Variants in RNGTT observed in about 807,000 individuals in gnomAD.
RNGTT encodes mRNA-capping enzyme.
A neutral mutation model predicts 79.3 loss-of-function variants in RNGTT; 33 were observed. The ratio of observed to expected loss-of-function variants is 0.42; its 90% CI spans 0.32 to 0.56. The LOEUF (loss-of-function observed/expected upper bound fraction) is 0.56, where lower values mean the gene tolerates loss of function less well. Ranked by LOEUF, RNGTT falls within the 20% of genes least tolerant of loss-of-function variation. RNGTT has a pLI of 0.17. For missense variants in RNGTT, 497 were observed against 739.1 expected (o/e 0.67, Z 3.80); for synonymous variants, 222 against 235.9 (o/e 0.94, Z 0.54).
At chr6:88,959,963 T>C (rs762962785) in intron 1 of RNGTT, among the ~76,000 whole-genome samples, 2 of 152,188 alleles carry the variant, frequency 1.3e-5, no homozygotes, top group African/African-American at 4.8e-5. Flanking sequence ...CCCTGCCAAC[T>C]ATTTATCTAG....
At chr6:88,823,147 CT>C (rs1361797722) in intron 11 of RNGTT, among the ~76,000 whole-genome samples, 1 of 152,144 alleles carries the variant, frequency 6.6e-6, no homozygotes, top group African/African-American at 2.4e-5. Flanking sequence ...AGAAAATTGG[CT>C]GGGCATGGTG....
At chr6:88,882,692 G>A (rs1452978236) in intron 8 of RNGTT, among the ~76,000 whole-genome samples, 2 of 152,198 alleles carry the variant, frequency 1.3e-5, no homozygotes, top group East Asian at 1.9e-4. Context: ...CAAGGGCTCT[G>A]CCCTCATGCA....
At chr6:88,963,021 G>A (rs1211023083) in intron 1 of RNGTT, among the ~76,000 whole-genome samples, 1 of 151,972 alleles carries the variant, frequency 6.6e-6, no homozygotes, top group Non-Finnish European at 1.5e-5. Flanking sequence ...CGAGGGGAAG[G>A]TTGAACCCTA....
At chr6:88,753,011 T>A (rs1341871109) in intron 13 of RNGTT, among the ~76,000 whole-genome samples, 1 of 152,086 alleles carries the variant, frequency 6.6e-6, no homozygotes, top group Non-Finnish European at 1.5e-5. Context: ...AAGCTTCTTG[T>A]AAAAATAAAT....
intron 12 of RNGTT, among the ~76,000 whole-genome samples, chr6:88,793,350 T>C (rs1779484711): frequency 6.6e-6 from 1 of 152,186 alleles, no homozygotes; most frequent in Non-Finnish European, 1.5e-5. Context: ...AAATAGGTAG[T>C]TGTAAAACAT....
At chr6:88,795,714 A>G (rs1282538468) in intron 12 of RNGTT, among the ~76,000 whole-genome samples, 2 of 152,168 alleles carry the variant, frequency 1.3e-5, no homozygotes, top group Non-Finnish European at 2.9e-5. Flanking sequence ...AAAAAAGCAA[A>G]CAAACAAACA....
chr6:88,720,776 G>A (rs1776682096), intron 13 of RNGTT, among the ~76,000 whole-genome samples: 1 of 152,054 alleles, frequency 6.6e-6, no homozygotes, highest in African/African-American at 2.4e-5. Flanking sequence ...AGGAAAAAAA[G>A]GTAAATCTGA....
At chr6:88,648,600 A>G (rs1215723869) in intron 14 of RNGTT, among the ~76,000 whole-genome samples, 5 of 152,252 alleles carry the variant, frequency 3.3e-5, no homozygotes, top group Admixed American at 1.3e-4. Context: ...ACAAAGCTCC[A>G]CACTTTGCTT....
At chr6:88,914,427 T>C (rs1422003876) in intron 4 of RNGTT, among the ~76,000 whole-genome samples, 1 of 151,818 alleles carries the variant, frequency 6.6e-6, no homozygotes, top group Non-Finnish European at 1.5e-5. Flanking sequence ...ATGGTACTCC[T>C]ACAAAAAAAA....
rs1243384941 is a variant in RNGTT at position 88,826,799 on chromosome 6, A to ATATATAT, written c.1269+17557_1269+17558insATATATA. 3.2e-5 allele frequency among the ~76,000 whole-genome samples: 4 copies of ATATATAT among 126,954 alleles called. 1 individual carries two copies. The highest frequency in any genetic ancestry group is 1.2e-4 in the African/African-American group (4 of 32,302). The allele number at this position is 126,954 out of a possible 152,430, so 83.3% of individuals were successfully genotyped here. Reference sequence around the variant, plus strand: ...ACCCTGTCTCAAAAGAAAAAAAAAAAATATATATATATATATATGTGTGTG... The same window carrying ATATATAT: ...ACCCTGTCTCAAAAGAAAAAAAAAAATATATATATATATATATATATATATGTGTGTG... On this transcript the variant is annotated intron_variant, in intron 11 of 15. Transcript: ENST00000369485.
chr6:88,949,857 A>G (rs1785183217), intron 1 of RNGTT, among the ~76,000 whole-genome samples: 1 of 152,238 alleles, frequency 6.6e-6, no homozygotes, highest in Non-Finnish European at 1.5e-5. Flanking sequence ...AAGATAATTG[A>G]TGAACATGGC....
At chr6:88,761,255 C>T (rs1778232801) in intron 13 of RNGTT, among the ~76,000 whole-genome samples, 1 of 151,742 alleles carries the variant, frequency 6.6e-6, no homozygotes, top group Non-Finnish European at 1.5e-5. Flanking sequence ...TTTGGGAGGC[C>T]GAGGCACGTG....
At chr6:88,909,899 C>T (rs1186579759) in intron 4 of RNGTT, among the ~76,000 whole-genome samples, 2 of 151,754 alleles carry the variant, frequency 1.3e-5, no homozygotes, top group Non-Finnish European at 2.9e-5. Context: ...CTGAAAGCAC[C>T]CAGAAATGAA....
chr6:88,840,108 G>T (rs1259746242), intron 11 of RNGTT, among the ~76,000 whole-genome samples: 1 of 152,002 alleles, frequency 6.6e-6, no homozygotes, highest in African/African-American at 2.4e-5. Flanking sequence ...TAAAATAAAT[G>T]ATCTATACTT....
chr6:88,869,828 T>C (rs993832274), intron 8 of RNGTT, among the ~76,000 whole-genome samples: 1 of 152,082 alleles, frequency 6.6e-6, no homozygotes, highest in South Asian at 2.1e-4. Flanking sequence ...GTTCAGCTGC[T>C]TAAAGGCTGT....
intron 14 of RNGTT, among the ~76,000 whole-genome samples, chr6:88,669,407 A>G (rs1273831749): frequency 1.3e-5 from 2 of 152,220 alleles, no homozygotes; most frequent in Non-Finnish European, 2.9e-5. Flanking sequence ...ATTCCAGTCC[A>G]GAAGGCCCAC....
At chr6:88,842,305 T>C (rs1231419512) in intron 11 of RNGTT, among the ~76,000 whole-genome samples, 6 of 151,994 alleles carry the variant, frequency 3.9e-5, no homozygotes, top group Admixed American at 3.9e-4. Flanking sequence ...ATAGTCAATA[T>C]GCAGTTTATA....
intron 11 of RNGTT, among the ~76,000 whole-genome samples, chr6:88,804,576 G>C (rs1779895964): frequency 6.6e-6 from 1 of 151,950 alleles, no homozygotes; most frequent in African/African-American, 2.4e-5. Flanking sequence ...AGGAAAAAAG[G>C]TTTTCTAAGA....
At chr6:88,874,972 C>G (rs906477238) in intron 8 of RNGTT, among the ~76,000 whole-genome samples, 3 of 151,924 alleles carry the variant, frequency 2.0e-5, no homozygotes, top group African/African-American at 7.3e-5. Flanking sequence ...TGTTATATCT[C>G]TTACTACATC....
Sources: allele counts gnomAD v4.1 joint callset (sites outside exome capture counted in the v4.1 genomes callset), GRCh38; gene constraint gnomAD v4.1.1; transcripts MANE v1.5; gene names NCBI Gene and HGNC (gene_info 2026-07-23, HGNC 2026-07-21).